Variants in ZC3H3 observed in about 807,000 individuals in gnomAD.
ZC3H3 encodes zinc finger CCCH domain-containing protein 3.
In ZC3H3, 36 loss-of-function variants were observed where a neutral mutation model predicts 77.3. The observed-to-expected ratio is 0.47, with a 90% CI of 0.36 to 0.61. The LOEUF (loss-of-function observed/expected upper bound fraction) is 0.61. ZC3H3 is among the 20% of genes least tolerant of loss of function. The probability of loss-of-function intolerance (pLI) is 0.00; values close to 1 mark genes in which losing one functional copy is unlikely to be tolerated. For synonymous variants in ZC3H3, 626 were observed against 555.2 expected (o/e 1.13, Z -1.79); for missense variants, 1,331 against 1,312.2 (o/e 1.01, Z -0.22).
At chr8:143,476,995 A>G (rs11780582) in intron 4 of ZC3H3, among the ~76,000 whole-genome samples, 31,967 of 152,174 alleles carry the variant, frequency 0.21, 3,657 homozygotes, top group Non-Finnish European at 0.26. Flanking sequence ...ACAGGGGGAC[A>G]GCAGCATATC....
chr8:143,437,777 G>A lies in ZC3H3; in HGVS notation c.*279C>T, dbSNP rs774096727. On this transcript the variant is annotated 3_prime_UTR_variant, in exon 12 of 12. Coordinates refer to ENST00000262577, the MANE Select transcript of ZC3H3 (RefSeq NM_015117.3). Reference sequence around the variant, plus strand: ...GGCTGGGGGCTGCAGGGCCACTGTTGCCAATGGCAGTCGGGGACAGGCCTG... The same window carrying A: ...GGCTGGGGGCTGCAGGGCCACTGTTACCAATGGCAGTCGGGGACAGGCCTG... 1.8e-4 allele frequency: 94 copies of A among 510,098 alleles called. No individual in the cohort carries two copies. Among genetic ancestry groups the A allele is most frequent in the Non-Finnish European group, 2.8e-4 (79 of 280,532 alleles). 31.6% of individuals were successfully genotyped at this position (510,098 alleles called of 1,614,324 possible).
chr8:143,512,520 G>A (rs769591137), intron 3 of ZC3H3, among the ~76,000 whole-genome samples: 2 of 152,262 alleles, frequency 1.3e-5, no homozygotes, highest in Non-Finnish European at 2.9e-5. Context: ...CGAGGCAGGA[G>A]GGGCCGGGCA....
At chr8:143,468,021 G>A (rs1820459474) in intron 8 of ZC3H3, among the ~76,000 whole-genome samples, 188 bp downstream of exon 8, 1 of 152,312 alleles carries the variant, frequency 6.6e-6, no homozygotes, top group East Asian at 1.9e-4. Context: ...TGCTTTCCGG[G>A]GAAGAGGAAG....
intron 5 of ZC3H3, among the ~76,000 whole-genome samples, chr8:143,471,759 C>CA (rs1180497702): frequency 1.3e-5 from 2 of 152,222 alleles, no homozygotes; most frequent in African/African-American, 4.8e-5. Context: ...CAGCCACCCC[C>CA]ACCCCTTCCA....
intron 9 of ZC3H3, among the ~76,000 whole-genome samples, chr8:143,452,441 G>C (rs1820012845): frequency 6.6e-6 from 1 of 152,196 alleles, no homozygotes; most frequent in Admixed American, 6.5e-5. Flanking sequence ...GCATGACTAG[G>C]CTCCCACAGA....
chr8:143,475,444 G>A lies in ZC3H3; in HGVS notation c.1857C>T (p.Thr619=), dbSNP rs745678588. The change falls in exon 5 of 12, where the codon ACC becomes ACT. Residue 619 remains threonine (T), a synonymous_variant. Coordinates refer to ENST00000262577, the MANE Select transcript of ZC3H3 (RefSeq NM_015117.3). ...TGCCCGCATCACTGGGCTGGCCGGAGGTCTTGGAGAGCTTGTTGGCAGATA... is the reference window on the plus strand; with the variant it reads ...TGCCCGCATCACTGGGCTGGCCGGAAGTCTTGGAGAGCTTGTTGGCAGATA... The part of the protein sequence containing the change: ...YKVSANKLSK[T]SGQPSDAGSR... 6.8e-6 allele frequency: 11 copies of A among 1,613,066 alleles called. No homozygotes were observed. In the Middle Eastern group the frequency reaches 4.9e-4, roughly 72 times the overall value.
chr8:143,445,412 C>T (rs1243118046), intron 9 of ZC3H3, among the ~76,000 whole-genome samples: 2 of 128,676 alleles, frequency 1.6e-5, no homozygotes, highest in Non-Finnish European at 3.3e-5. Flanking sequence ...TAATAAAGAA[C>T]CTTATTAAAA....
intron 4 of ZC3H3, among the ~76,000 whole-genome samples, chr8:143,496,998 C>T (rs548673690): frequency 1.4e-4 from 21 of 152,324 alleles, no homozygotes; most frequent in African/African-American, 4.1e-4. Flanking sequence ...CACCAGGCTC[C>T]GGGGGCACCA....
chr8:143,495,517 G>A (rs1454387891), intron 4 of ZC3H3, among the ~76,000 whole-genome samples: 1 of 152,256 alleles, frequency 6.6e-6, no homozygotes, highest in Non-Finnish European at 1.5e-5. Context: ...GAAGAGGACA[G>A]AGAAGGGCAA....
At chr8:143,522,159 G>C (rs775297662) in intron 3 of ZC3H3, among the ~76,000 whole-genome samples, 19 of 152,206 alleles carry the variant, frequency 1.2e-4, no homozygotes, top group Admixed American at 3.9e-4. Context: ...CTGATGACCT[G>C]TGGCCTCATC....
At chr8:143,497,524 G>A (rs887690481) in intron 4 of ZC3H3, among the ~76,000 whole-genome samples, 2 of 152,206 alleles carry the variant, frequency 1.3e-5, no homozygotes, top group Non-Finnish European at 2.9e-5. Flanking sequence ...GACCAGCACC[G>A]CCTGCCCCTG....
intron 4 of ZC3H3, among the ~76,000 whole-genome samples, chr8:143,502,344 GAC>G (rs1469424641): frequency 2.0e-5 from 3 of 152,262 alleles, no homozygotes; most frequent in African/African-American, 4.8e-5. Context: ...TCATTAAGGA[GAC>G]ACGCGTGGGG....
chr8:143,536,214 G>GCAGGCC (rs781540405), intron 3 of ZC3H3, 43 bp downstream of exon 3: 1 of 1,578,540 alleles, frequency 6.3e-7, no homozygotes. Flanking sequence ...ATCCCATCAG[G>GCAGGCC]CAGGCCCAGC....
At chr8:143,466,434 C>T (rs1192086920) in intron 8 of ZC3H3, among the ~76,000 whole-genome samples, 1 of 152,224 alleles carries the variant, frequency 6.6e-6, no homozygotes, top group African/African-American at 2.4e-5. Context: ...AGGAAGGGTC[C>T]AGCAGCGTCT....
At chr8:143,525,346 G>T (rs1453142070) in intron 3 of ZC3H3, among the ~76,000 whole-genome samples, 1 of 152,256 alleles carries the variant, frequency 6.6e-6, no homozygotes, top group Non-Finnish European at 1.5e-5. Context: ...GTGGCAGGTG[G>T]TGCAGGCACG....
At chr8:143,477,385 G>A (rs1350193508) in intron 4 of ZC3H3, among the ~76,000 whole-genome samples, 5 of 152,164 alleles carry the variant, frequency 3.3e-5, no homozygotes, top group African/African-American at 1.2e-4. Flanking sequence ...TATCCTGTCT[G>A]CGCCCTGCAC....
intron 1 of ZC3H3, among the ~76,000 whole-genome samples, chr8:143,539,879 A>G (rs1238208947): frequency 6.6e-6 from 1 of 152,262 alleles, no homozygotes; most frequent in Non-Finnish European, 1.5e-5. Context: ...GGAAACATCA[A>G]TGGGCTAGAG....
chr8:143,525,178 C>G (rs756972366), intron 3 of ZC3H3, among the ~76,000 whole-genome samples: 8 of 152,250 alleles, frequency 5.3e-5, no homozygotes, highest in Non-Finnish European at 7.3e-5. Context: ...CTTCTCCTGG[C>G]CTGGGTGGCA....
intron 3 of ZC3H3, among the ~76,000 whole-genome samples, chr8:143,513,453 A>G (rs1222127450): frequency 6.6e-6 from 1 of 152,154 alleles, no homozygotes; most frequent in Non-Finnish European, 1.5e-5. Context: ...ACCCAACACC[A>G]GGCCCCACGC....
Sources: allele counts gnomAD v4.1 joint callset (sites outside exome capture counted in the v4.1 genomes callset), GRCh38; gene constraint gnomAD v4.1.1; transcripts MANE v1.5; gene names NCBI Gene and HGNC (gene_info 2026-07-23, HGNC 2026-07-21).